Variants in TRDN observed in about 807,000 individuals in gnomAD.
TRDN encodes triadin.
TRDN carries 161 observed loss-of-function variants against 149.7 expected under a neutral mutation model. That is an observed-to-expected ratio of 1.08 (90% CI 0.95 to 1.23). TRDN has a LOEUF of 1.23. TRDN is among the 50% of genes most tolerant of loss of function. The pLI, the probability that TRDN is intolerant of heterozygous loss-of-function variation, is 0.00. For missense variants in TRDN, 896 were observed against 823.5 expected (o/e 1.09, Z -1.08); for synonymous variants, 294 against 250.5 (o/e 1.17, Z -1.64).
intron 1 of TRDN, among the ~76,000 whole-genome samples, chr6:123,574,172 G>A (rs1034812690): frequency 1.3e-4 from 20 of 151,788 alleles, no homozygotes; most frequent in African/African-American, 4.3e-4. Flanking sequence ...AAGGAACATC[G>A]GAGCAAAATA....
At chr6:123,345,601 G>C (rs932702842) in intron 21 of TRDN, among the ~76,000 whole-genome samples, 1 of 151,960 alleles carries the variant, frequency 6.6e-6, no homozygotes, top group Non-Finnish European at 1.5e-5. Context: ...AAGATAACTT[G>C]CTAGAATTGT....
intron 11 of TRDN, 71 bp downstream of exon 11, chr6:123,438,873 A>G (rs762087794): frequency 2.0e-5 from 25 of 1,228,008 alleles, no homozygotes; most frequent in Non-Finnish European, 2.8e-5. Flanking sequence ...CTAGAAAATA[A>G]TAGATTTACC....
At chr6:123,554,073 T>G (rs1409172037) in intron 2 of TRDN, among the ~76,000 whole-genome samples, 1 of 152,152 alleles carries the variant, frequency 6.6e-6, no homozygotes, top group African/African-American at 2.4e-5. Context: ...CTTGGTAAGG[T>G]CCATGAAATC....
chr6:123,548,998 T>C (rs1781256160), intron 2 of TRDN, among the ~76,000 whole-genome samples: 1 of 152,054 alleles, frequency 6.6e-6, no homozygotes, highest in South Asian at 2.1e-4. Context: ...AAGATGACTC[T>C]GTAAGTTTTC....
chr6:123,487,532 T>C (rs1778027323), intron 9 of TRDN, among the ~76,000 whole-genome samples: 1 of 152,046 alleles, frequency 6.6e-6, no homozygotes, highest in Non-Finnish European at 1.5e-5. Flanking sequence ...AACAGACTAC[T>C]ACCCATCATG....
At chr6:123,378,052 C>T (rs1175362977) in intron 16 of TRDN, among the ~76,000 whole-genome samples, 154 bp from the exon 17 acceptor site, 1 of 151,976 alleles carries the variant, frequency 6.6e-6, no homozygotes, top group Non-Finnish European at 1.5e-5. Context: ...AGATTATATA[C>T]TTAAAATAAT....
At chr6:123,481,468 A>G (rs1447611132) in intron 9 of TRDN, among the ~76,000 whole-genome samples, 17 of 151,836 alleles carry the variant, frequency 1.1e-4, no homozygotes. Flanking sequence ...TTTTGAAAAC[A>G]TATTTGTAAT....
intron 10 of TRDN, chr6:123,464,204 G>T: frequency 1.1e-6 from 1 of 916,314 alleles, no homozygotes; most frequent in Non-Finnish European, 1.3e-6. Context: ...CCATGTTTGG[G>T]ATTTAATAAA....
rs150220440 is a variant in TRDN at position 123,583,883 on chromosome 6, G to A, written c.23-12751C>T. 9.3e-3 allele frequency: 2,293 copies of A among 245,962 alleles called. 20 individuals carry two copies. The highest frequency in any genetic ancestry group is 0.024 in the African/African-American group (1,059 of 43,248). 15.2% of individuals were successfully genotyped at this position (245,962 alleles called of 1,614,324 possible). A position where few individuals can be genotyped will look rare whatever the true frequency, so the allele number is the denominator to read the frequency against. On this transcript the variant is annotated intron_variant, in intron 1 of 40. Transcript: ENST00000334268. ...AGGGGGCCTGAATAATCCCTGAGGA[G>A]TGGTAGAATAGTAGATGGAACACTG...
intron 38 of TRDN, among the ~76,000 whole-genome samples, chr6:123,224,356 GTAAAGGT>G (rs1775275991): frequency 6.6e-6 from 1 of 151,640 alleles, no homozygotes; most frequent in Admixed American, 6.6e-5. Context: ...AATCAGGCTG[GTAAAGGT>G]TACTTAGGGA....
intron 9 of TRDN, among the ~76,000 whole-genome samples, chr6:123,494,617 C>T (rs750179042): frequency 1.4e-4 from 21 of 152,098 alleles, no homozygotes; most frequent in Admixed American, 6.5e-4. Context: ...AACATAGATT[C>T]GTCTCATCTC....
chr6:123,621,133 A>G (rs1785361278), intron 1 of TRDN, among the ~76,000 whole-genome samples: 1 of 152,120 alleles, frequency 6.6e-6, no homozygotes, highest in Non-Finnish European at 1.5e-5. Flanking sequence ...CTACATGTCA[A>G]TTTTTACATT....
At chr6:123,299,240 G>A (rs1038787777) in intron 24 of TRDN, among the ~76,000 whole-genome samples, 5 of 151,970 alleles carry the variant, frequency 3.3e-5, no homozygotes, top group African/African-American at 1.2e-4. Flanking sequence ...TATTGGTTAG[G>A]GCATGGGAAG....
At chr6:123,483,903 G>A (rs1220294117) in intron 9 of TRDN, among the ~76,000 whole-genome samples, 1 of 152,132 alleles carries the variant, frequency 6.6e-6, no homozygotes, top group Non-Finnish European at 1.5e-5. Flanking sequence ...AATTATTAGT[G>A]CTATGCAAGA....
intron 9 of TRDN, among the ~76,000 whole-genome samples, chr6:123,485,711 C>T (rs978613202): frequency 6.6e-6 from 1 of 152,048 alleles, no homozygotes; most frequent in Non-Finnish European, 1.5e-5. Context: ...TATGTATATG[C>T]TCATTGCTTA....
intron 21 of TRDN, among the ~76,000 whole-genome samples, chr6:123,339,631 A>G (rs139453439): frequency 3.3e-5 from 5 of 152,292 alleles, no homozygotes; most frequent in Admixed American, 1.3e-4. Flanking sequence ...AAAGGCCTCA[A>G]ATTAATCTTA....
At chr6:123,571,763 A>T (rs533929722) in intron 1 of TRDN, among the ~76,000 whole-genome samples, 1 of 152,168 alleles carries the variant, frequency 6.6e-6, no homozygotes, top group South Asian at 2.1e-4. Context: ...TCTGGTTTTG[A>T]CAAGTCATTA....
intron 2 of TRDN, among the ~76,000 whole-genome samples, chr6:123,563,506 C>T (rs1456557971): frequency 6.6e-6 from 1 of 151,996 alleles, no homozygotes; most frequent in African/African-American, 2.4e-5. Flanking sequence ...TAAATATAAA[C>T]AAGATTTGAA....
At chr6:123,265,204 G>T in intron 33 of TRDN, 114 bp downstream of exon 33, 1 of 759,530 alleles carries the variant, frequency 1.3e-6, no homozygotes, top group Non-Finnish European at 2.0e-6. Flanking sequence ...TAGTATAATG[G>T]CTATTACATT....
Sources: allele counts gnomAD v4.1 joint callset (sites outside exome capture counted in the v4.1 genomes callset), GRCh38; gene constraint gnomAD v4.1.1; transcripts MANE v1.5; gene names NCBI Gene and HGNC (gene_info 2026-07-23, HGNC 2026-07-21).